The following PHACTR1 variants were observed in gnomAD, a reference collection of about 807,000 sequenced individuals.
PHACTR1 encodes the protein phosphatase and actin regulator 1.
PHACTR1 carries 16 observed loss-of-function variants against 69.2 expected under a neutral mutation model. The ratio of observed to expected loss-of-function variants is 0.23; its 90% CI spans 0.16 to 0.35. PHACTR1 has a LOEUF of 0.35. Ranked by LOEUF, PHACTR1 falls within the 10% of genes least tolerant of loss-of-function variation. PHACTR1 has a pLI of 1.00. For synonymous variants in PHACTR1, 312 were observed against 284.5 expected (o/e 1.10, Z -0.97); for missense variants, 510 against 734.7 (o/e 0.69, Z 3.54).
chr6:12,927,402 T>TAAC (rs1348464331), intron 4 of PHACTR1, among the ~76,000 whole-genome samples: 1 of 151,510 alleles, frequency 6.6e-6, no homozygotes, highest in African/African-American at 2.4e-5. Context: ...TTTGGAAGAT[T>TAAC]AACAACAACA....
intron 4 of PHACTR1, among the ~76,000 whole-genome samples, chr6:12,819,983 A>G (rs1023802357): frequency 2.0e-5 from 3 of 152,136 alleles, no homozygotes; most frequent in Non-Finnish European, 4.4e-5. Flanking sequence ...GTAGCAACTC[A>G]TTTCCTAGGA....
At chr6:13,144,467 G>C (rs1324062566) in intron 5 of PHACTR1, among the ~76,000 whole-genome samples, 1 of 152,120 alleles carries the variant, frequency 6.6e-6, no homozygotes, top group Admixed American at 6.5e-5. Context: ...ATAAAATGAA[G>C]AGATGGAGCA....
chr6:12,755,974 C>G (rs1767270573), intron 4 of PHACTR1, among the ~76,000 whole-genome samples: 1 of 152,156 alleles, frequency 6.6e-6, no homozygotes, highest in Non-Finnish European at 1.5e-5. Flanking sequence ...TACAAAGAAA[C>G]TTCTTTCCCT....
At chr6:13,193,598 G>A (rs1763933210) in intron 7 of PHACTR1, among the ~76,000 whole-genome samples, 1 of 151,342 alleles carries the variant, frequency 6.6e-6, no homozygotes, top group African/African-American at 2.4e-5. Context: ...ATGTTGCCCA[G>A]ACTGATCTCC....
chr6:13,039,030 T>C (rs541709535), intron 4 of PHACTR1, among the ~76,000 whole-genome samples: 1 of 152,174 alleles, frequency 6.6e-6, no homozygotes, highest in African/African-American at 2.4e-5. Flanking sequence ...AAAGCTATAA[T>C]AGGCCACACC....
chr6:13,070,066 C>G (rs1233660093), intron 5 of PHACTR1, among the ~76,000 whole-genome samples: 2 of 152,176 alleles, frequency 1.3e-5, no homozygotes, highest in African/African-American at 4.8e-5. Context: ...CCAAATGCCT[C>G]ATTTTCACCC....
At chr6:13,100,308 T>C (rs988916137) in intron 5 of PHACTR1, among the ~76,000 whole-genome samples, 16 of 152,208 alleles carry the variant, frequency 1.1e-4, no homozygotes, top group Non-Finnish European at 2.1e-4. Context: ...GCAAAAGGTC[T>C]GTAGTGATTT....
chr6:12,917,942 G>A (rs1787199167), intron 4 of PHACTR1, among the ~76,000 whole-genome samples: 1 of 152,118 alleles, frequency 6.6e-6, no homozygotes, highest in Non-Finnish European at 1.5e-5. Context: ...AATGCAATTC[G>A]TGTTCAATGG....
At chr6:13,112,193 G>A (rs1264916641) in intron 5 of PHACTR1, among the ~76,000 whole-genome samples, 5 of 152,138 alleles carry the variant, frequency 3.3e-5, no homozygotes, top group Non-Finnish European at 7.4e-5. Flanking sequence ...CCATGTTCCT[G>A]CAAAAGACAT....
intron 4 of PHACTR1, among the ~76,000 whole-genome samples, chr6:12,764,651 A>T (rs1395827033): frequency 6.6e-6 from 1 of 152,150 alleles, no homozygotes; most frequent in African/African-American, 2.4e-5. Flanking sequence ...CCTGCCTAGG[A>T]TATGGATAAA....
chr6:13,162,917 A>G (rs941114927), intron 6 of PHACTR1, among the ~76,000 whole-genome samples: 3 of 152,132 alleles, frequency 2.0e-5, no homozygotes, highest in Admixed American at 6.6e-5. Context: ...TTTCTCCATC[A>G]GCACACATGG....
chr6:13,181,340 G>A (rs186590074), intron 6 of PHACTR1, among the ~76,000 whole-genome samples: 6 of 152,264 alleles, frequency 3.9e-5, no homozygotes, highest in Admixed American at 2.6e-4. Flanking sequence ...TCTTTTCTAC[G>A]AGTTGTCATC....
chr6:12,816,844 A>C (rs1214320590), intron 4 of PHACTR1, among the ~76,000 whole-genome samples: 1 of 152,212 alleles, frequency 6.6e-6, no homozygotes, highest in Non-Finnish European at 1.5e-5. Context: ...AGATTACAGA[A>C]GGATGTGCAG....
chr6:12,942,526 G>A (rs1790162015), intron 4 of PHACTR1, among the ~76,000 whole-genome samples: 1 of 152,130 alleles, frequency 6.6e-6, no homozygotes, highest in African/African-American at 2.4e-5. Context: ...AGGTGCAGTG[G>A]TTTACACCTG....
rs551127061 is a variant in PHACTR1 at position 12,789,438 on chromosome 6, T to C, written c.250+39648T>C. On this transcript the variant is annotated intron_variant, in intron 4 of 14. Transcript: ENST00000332995. ...AGGCCAGGTCCGTGGTTCTCTCATCTCCTCCATCCATACCAACTCCCTCAA... is the reference window on the plus strand; with the variant it reads ...AGGCCAGGTCCGTGGTTCTCTCATCCCCTCCATCCATACCAACTCCCTCAA... Among the ~76,000 whole-genome samples, 419 of 152,216 alleles carry C rather than the reference T, an allele frequency of 2.8e-3. 2 individuals carry two copies. The highest frequency in any genetic ancestry group is 8.5e-3 in the African/African-American group (352 of 41,526).
intron 4 of PHACTR1, among the ~76,000 whole-genome samples, chr6:12,871,060 T>C (rs186749589): frequency 1.3e-5 from 2 of 152,210 alleles, no homozygotes; most frequent in African/African-American, 4.8e-5. Context: ...TGCAACTTTA[T>C]GGAAAGACCC....
In PHACTR1 at chr6:13,223,407, C is replaced by T. The variant is rs761389513; in HGVS notation, c.987-4409C>T. ...TCGGTGAATAGATGGGTCTCCTGAA[C>T]GCCCTGAGTATTAAACTCAGTGCCC... On this transcript the variant is annotated intron_variant, in intron 8 of 14. Transcript: ENST00000332995. 4.4e-4 allele frequency among the ~76,000 whole-genome samples: 67 copies of T among 152,162 alleles called. 1 individual carries two copies. Among genetic ancestry groups the T allele is most frequent in the Non-Finnish European group, 2.2e-4 (15 of 68,038 alleles).
chr6:13,099,444 T>C (rs1031626810), intron 5 of PHACTR1, among the ~76,000 whole-genome samples: 2 of 152,242 alleles, frequency 1.3e-5, no homozygotes, highest in Admixed American at 6.5e-5. Flanking sequence ...TGGAATGGAC[T>C]GAATTCTCTG....
chr6:13,103,584 ATGGGGTAGAAGTGTTTCTTTGTT>A lies in PHACTR1; in HGVS notation c.415+50056_415+50078del, dbSNP rs1468177183. On this transcript the variant is annotated intron_variant, in intron 5 of 14. Coordinates refer to ENST00000332995, the MANE Select transcript of PHACTR1 (RefSeq NM_030948.6). ...ACAAAAAGTATATATAATTGTTATT[ATGGGGTAGAAGTGTTTCTTTGTT>A]CTGAACTTTTAAATTTGAACTAATT... Among the ~76,000 whole-genome samples, 9 of 152,318 alleles carry A rather than the reference ATGGGGTAGAAGTGTTTCTTTGTT, an allele frequency of 5.9e-5. 1 individual carries two copies. Among genetic ancestry groups the A allele is most frequent in the Non-Finnish European group, 7.3e-5 (5 of 68,030 alleles).
Sources: gnomAD v4.1 joint callset for allele counts (sites outside exome capture counted in the v4.1 genomes callset) on GRCh38, gnomAD v4.1.1 for gene constraint, MANE v1.5 for transcripts, NCBI Gene and HGNC (gene_info 2026-07-23, HGNC 2026-07-21) for gene names.